The following LAMP5 variants were observed in gnomAD, a reference collection of about 807,000 sequenced individuals.
The protein encoded by LAMP5 is lysosome-associated membrane glycoprotein 5.
In LAMP5, 36 loss-of-function variants were observed where a neutral mutation model predicts 30.2. The ratio of observed to expected loss-of-function variants is 1.19; its 90% CI spans 0.91 to 1.57. The LOEUF is 1.57. LAMP5 is among the 40% of genes most tolerant of loss of function. The pLI is 0.00. For synonymous variants in LAMP5, 149 were observed against 134.6 expected, an observed-to-expected ratio of 1.11 and a Z score of -0.74; for missense variants, 377 against 354.9, an observed-to-expected ratio of 1.06 and a Z score of -0.50.
At chr20:9,528,217 G>A (rs979041232) in intron 5 of LAMP5, among the ~76,000 whole-genome samples, 1 of 152,080 alleles carries the variant, frequency 6.6e-6, no homozygotes, top group Admixed American at 6.6e-5. Flanking sequence ...GACAAATATT[G>A]CATGTATTCA....
chr20:9,521,379 C>T (rs1178996951), intron 5 of LAMP5, among the ~76,000 whole-genome samples: 2 of 152,144 alleles, frequency 1.3e-5, no homozygotes, highest in African/African-American at 4.8e-5. Flanking sequence ...GTATGCAAAG[C>T]AGGCAGGCTC....
At chr20:9,529,198 G>A (rs903935038) in intron 5 of LAMP5, among the ~76,000 whole-genome samples, 1 of 152,244 alleles carries the variant, frequency 6.6e-6, no homozygotes, top group Middle Eastern at 3.4e-3. Context: ...TTCAACAAGG[G>A]TGTTACAAGT....
chr20:9,526,084 C>T (rs1252207610), intron 5 of LAMP5, among the ~76,000 whole-genome samples: 1 of 152,142 alleles, frequency 6.6e-6, no homozygotes, highest in Non-Finnish European at 1.5e-5. Flanking sequence ...CAAGGGCAAC[C>T]TTGTAAAGAT....
At chr20:9,515,682 C>CCTTCCTCAAGGCT in intron 2 of LAMP5, 57 bp downstream of exon 2, 1 of 1,577,964 alleles carries the variant, frequency 6.3e-7, no homozygotes. Context: ...CGAAGGGCAC[C>CCTTCCTCAAGGCT]CTTCCTCAAG....
rs1205140285 is a variant in LAMP5 at position 9,515,547 on chromosome 20, T to C, written c.159T>C (p.Asn53=). The C allele has an allele frequency of 6.2e-7, 1 of 1,614,088 alleles. No homozygotes were observed. The change falls in exon 2 of 6, where the codon AAT becomes AAC. Residue 53 remains asparagine, a synonymous_variant. Transcript: ENST00000246070. Reference sequence around the variant, plus strand: ...AAGATATATTTGTGGTGCGGGAAAATGGGACGACGTGTCTCATGGCAGAGT... The same window carrying C: ...AAGATATATTTGTGGTGCGGGAAAACGGGACGACGTGTCTCATGGCAGAGT... ...PEKDIFVVRE[N]GTTCLMAEFA...
At position 9,521,970 on chromosome 20, in the gene LAMP5, C is replaced by T. The variant is rs2045082292; in HGVS notation, c.664+3742C>T. Among the ~76,000 whole-genome samples, 3 of 152,038 alleles carry T rather than the reference C, an allele frequency of 2.0e-5. No individual in the cohort carries two copies. The South Asian group carries it at 6.2e-4, about 32-fold the overall frequency. On this transcript the variant is annotated intron_variant, in intron 5 of 5. Coordinates refer to ENST00000246070, the MANE Select transcript of LAMP5 (RefSeq NM_012261.4). ...GCAAACATAACAAAACAAAACAAAA[C>T]AAAAAGAAACAAAACAGAACTGCAG...
intron 5 of LAMP5, among the ~76,000 whole-genome samples, chr20:9,520,217 T>G (rs911070848): frequency 6.6e-6 from 1 of 152,242 alleles, no homozygotes; most frequent in Middle Eastern, 3.2e-3. Flanking sequence ...GGATGTTCTC[T>G]CCTGTATGGT....
At position 9,514,922 on chromosome 20, in the gene LAMP5, T is replaced by C. The variant is rs1367601463; in HGVS notation, c.64+6T>C. 2 of 1,613,918 alleles carry C rather than the reference T, an allele frequency of 1.2e-6. No homozygotes were observed. Among genetic ancestry groups the C allele is most frequent in the African/African-American group, 1.3e-5 (1 of 75,038 alleles). The stretch of plus-strand genomic sequence containing the variant: ...AGTTCTCCTGATGTTGTTCCGTGAG[T>C]AGCGATTTGGCGACTGGGAGAGAGG... On this transcript the variant is annotated splice_donor_region_variant and intron_variant, in intron 1 of 5. Transcript: ENST00000246070.
intron 5 of LAMP5, among the ~76,000 whole-genome samples, chr20:9,524,475 T>G (rs549485496): frequency 0.011 from 1,317 of 115,018 alleles, 16 homozygotes; most frequent in East Asian, 0.074. Context: ...TAAAATATTG[T>G]TTTTTTTTTT....
intron 5 of LAMP5, among the ~76,000 whole-genome samples, chr20:9,522,363 A>G (rs1488080939): frequency 6.6e-6 from 1 of 152,170 alleles, no homozygotes; most frequent in African/African-American, 2.4e-5. Context: ...GCAAGCTGTC[A>G]TGTCACAAAT....
chr20:9,523,402 T>TG lies in LAMP5; in HGVS notation c.664+5179dup, dbSNP rs554546239. ...CATTGCCTATCCCAATGCCATTCAT[T>TG]GGGGGTGCAATGAAGCGCTCTTGTA... On this transcript the variant is annotated intron_variant, in intron 5 of 5. Coordinates refer to ENST00000246070, the MANE Select transcript of LAMP5 (RefSeq NM_012261.4). Among the ~76,000 whole-genome samples the TG allele has an allele frequency of 1.2e-4, 19 of 152,156 alleles. 1 individual carries two copies. In the South Asian group the frequency reaches 1.7e-3, roughly 13 times the overall value.
At chr20:9,524,474 G>T (rs1260153868) in intron 5 of LAMP5, among the ~76,000 whole-genome samples, 28 of 139,258 alleles carry the variant, frequency 2.0e-4, no homozygotes, top group East Asian at 6.2e-4. Flanking sequence ...GTAAAATATT[G>T]TTTTTTTTTT....
Position 9,529,838 on chromosome 20 carries a change from C to G in LAMP5, c.*18C>G. The G allele has an allele frequency of 1.9e-6, 3 of 1,611,320 alleles. No individual in the cohort carries two copies. The highest frequency in any genetic ancestry group is 2.5e-6 in the Non-Finnish European group (3 of 1,177,836). The stretch of plus-strand genomic sequence containing the variant: ...TGGGCTAGAGGCCGTTAGGCAGGCA[C>G]CCCCTATTCCTGCTCCCCCAACTGG... On this transcript the variant is annotated 3_prime_UTR_variant, in exon 6 of 6. Transcript: ENST00000246070.
Position 9,514,857 on chromosome 20 carries a change from A to G in LAMP5, c.5A>G (p.Asp2Gly), listed in dbSNP as rs745390525. Reference sequence around the variant, plus strand: ...CTCATTCGGGGCACTGCGAGTATGGATCTCCAAGGAAGAGGGGTCCCCAGC... The same window carrying G: ...CTCATTCGGGGCACTGCGAGTATGGGTCTCCAAGGAAGAGGGGTCCCCAGC... M[D>G]LQGRGVPSID... is the part of the protein sequence containing the mutation. The change falls in exon 1 of 6, where the codon GAT becomes GGT. Residue 2 changes from aspartate (D) to glycine (G), a missense_variant. By Grantham distance (94) the Asp-to-Gly change is moderately conservative. Coordinates refer to ENST00000246070, the MANE Select transcript of LAMP5 (RefSeq NM_012261.4). 17 of 1,613,910 alleles carry G rather than the reference A, an allele frequency of 1.1e-5. No individual in the cohort carries two copies. In the African/African-American group the frequency reaches 2.3e-4, roughly 22 times the overall value.
chr20:9,529,930 A>C lies in LAMP5; in HGVS notation c.*110A>C. On this transcript the variant is annotated 3_prime_UTR_variant, in exon 6 of 6. Transcript: ENST00000246070. ...AGATACACCAACATAGCTACAATCA[A>C]ACAGGCCTGGGTATCTGAGGCTTGC... 1 of 1,122,562 alleles carries C rather than the reference A, an allele frequency of 8.9e-7. No individual in the cohort carries two copies. The highest frequency in any genetic ancestry group is 1.3e-6 in the Non-Finnish European group (1 of 779,140). The allele number at this position is 1,122,562 out of a possible 1,614,324, so 69.5% of individuals were successfully genotyped here. A position where few individuals can be genotyped will look rare whatever the true frequency, so the allele number is the denominator to read the frequency against.
At chr20:9,528,762 C>T (rs560417358) in intron 5 of LAMP5, among the ~76,000 whole-genome samples, 108 of 152,308 alleles carry the variant, frequency 7.1e-4, no homozygotes, top group African/African-American at 2.4e-3. Flanking sequence ...GTTTTCCTTT[C>T]CCCAGATATA....
At chr20:9,526,901 T>G (rs58243236) in intron 5 of LAMP5, among the ~76,000 whole-genome samples, 1 of 114,420 alleles carries the variant, frequency 8.7e-6, no homozygotes, top group East Asian at 3.0e-4. Context: ...TATATATATA[T>G]ACACACACAT....
At chr20:9,520,025 G>A (rs2045068878) in intron 5 of LAMP5, among the ~76,000 whole-genome samples, 1 of 152,210 alleles carries the variant, frequency 6.6e-6, no homozygotes, top group Non-Finnish European at 1.5e-5. Flanking sequence ...ACAATTCATT[G>A]CATGGAGTAA....
intron 3 of LAMP5, 46 bp from the exon 4 acceptor site, chr20:9,516,210 C>A: frequency 1.2e-6 from 2 of 1,611,180 alleles, no homozygotes; most frequent in East Asian, 2.2e-5. Context: ...GTTTAAGAAC[C>A]CAGACGCTGC....
Sources: allele counts gnomAD v4.1 joint callset (sites outside exome capture counted in the v4.1 genomes callset), GRCh38; gene constraint gnomAD v4.1.1; transcripts MANE v1.5; gene names NCBI Gene and HGNC (gene_info 2026-07-23, HGNC 2026-07-21).